Variants in TENM2 observed in about 807,000 individuals in gnomAD.
TENM2 encodes teneurin transmembrane protein 2.
Under a neutral mutation model 245.2 loss-of-function variants are expected in TENM2, and 52 were observed. The ratio of observed to expected loss-of-function variants is 0.21; its 90% CI spans 0.17 to 0.27. TENM2 has a LOEUF of 0.27. Among genes scored for constraint, TENM2 ranks in the 10% least tolerant of loss-of-function variants. The probability of loss-of-function intolerance (pLI) is 1.00; values close to 1 mark genes in which losing one functional copy is unlikely to be tolerated. For missense variants in TENM2, 3,046 were observed against 3,666.8 expected, an observed-to-expected ratio of 0.83 and a Z score of 4.37; for synonymous variants, 1,363 against 1,438.9, an observed-to-expected ratio of 0.95 and a Z score of 1.19.
chr5:167,456,284 A>T (rs1765917204), intron 2 of TENM2, among the ~76,000 whole-genome samples: 1 of 152,162 alleles, frequency 6.6e-6, no homozygotes, highest in Non-Finnish European at 1.5e-5. Context: ...AGGAGAACTT[A>T]ATATTTTACA....
intron 3 of TENM2, among the ~76,000 whole-genome samples, chr5:167,901,375 A>G (rs1775693582): frequency 6.6e-6 from 1 of 152,230 alleles, no homozygotes; most frequent in Non-Finnish European, 1.5e-5. Context: ...AGATCATTAC[A>G]TATTTTTACA....
chr5:167,938,327 G>A (rs969729093), intron 3 of TENM2, among the ~76,000 whole-genome samples: 1 of 152,186 alleles, frequency 6.6e-6, no homozygotes, highest in Non-Finnish European at 1.5e-5. Context: ...CTGGGGTGAG[G>A]AGAGGGGAAA....
At chr5:168,003,812 C>T (rs1784596112) in intron 5 of TENM2, among the ~76,000 whole-genome samples, 1 of 152,196 alleles carries the variant, frequency 6.6e-6, no homozygotes, top group African/African-American at 2.4e-5. Context: ...TTTATAGACA[C>T]AGCGGACTCT....
At chr5:168,123,939 T>C (rs1795661825) in intron 10 of TENM2, among the ~76,000 whole-genome samples, 1 of 152,246 alleles carries the variant, frequency 6.6e-6, no homozygotes, top group African/African-American at 2.4e-5. Context: ...CCAGGTTTGA[T>C]ATCATATTCT....
intron 1 of TENM2, among the ~76,000 whole-genome samples, chr5:167,317,911 T>G (rs1756468089): frequency 6.6e-6 from 1 of 152,160 alleles, no homozygotes; most frequent in Non-Finnish European, 1.5e-5. Flanking sequence ...TATGTGGTAC[T>G]CTAGCATGCC....
the TENM2 span, among the ~76,000 whole-genome samples, chr5:167,125,109 T>C: frequency 6.6e-6 from 1 of 152,150 alleles, no homozygotes; most frequent in Non-Finnish European, 1.5e-5. Context: ...TCCAGCAAAC[T>C]GTGTTTAAAC....
chr5:167,726,671 C>A (rs1760029804), intron 2 of TENM2, among the ~76,000 whole-genome samples: 1 of 152,124 alleles, frequency 6.6e-6, no homozygotes, highest in Non-Finnish European at 1.5e-5. Flanking sequence ...GTTAACCAGG[C>A]TGATATTGAA....
At chr5:167,689,290 G>T (rs968024200) in intron 2 of TENM2, among the ~76,000 whole-genome samples, 1 of 152,172 alleles carries the variant, frequency 6.6e-6, no homozygotes, top group Non-Finnish European at 1.5e-5. Context: ...CAGCCAGGAC[G>T]CTGGGGGGTC....
chr5:167,236,338 T>A, the TENM2 span, among the ~76,000 whole-genome samples: 1 of 152,178 alleles, frequency 6.6e-6, no homozygotes, highest in Non-Finnish European at 1.5e-5. Flanking sequence ...ATGGAAGGTA[T>A]TTCTTCTTTG....
At chr5:167,081,805 G>C in the TENM2 span, among the ~76,000 whole-genome samples, 1 of 152,286 alleles carries the variant, frequency 6.6e-6, no homozygotes, top group African/African-American at 2.4e-5. Context: ...GCTAGTGAAT[G>C]GCAGCAGAAA....
At chr5:167,074,351 G>A in the TENM2 span, among the ~76,000 whole-genome samples, 7 of 152,076 alleles carry the variant, frequency 4.6e-5, no homozygotes, top group African/African-American at 1.7e-4. Context: ...AGACATTAGT[G>A]AAGACTATGT....
chr5:167,248,631 T>G, the TENM2 span, among the ~76,000 whole-genome samples: 1 of 152,100 alleles, frequency 6.6e-6, no homozygotes, highest in African/African-American at 2.4e-5. Flanking sequence ...TGATGCTGTG[T>G]GTGTGTGTTG....
chr5:167,521,014 A>G (rs1010314999), intron 2 of TENM2, among the ~76,000 whole-genome samples: 4 of 151,346 alleles, frequency 2.6e-5, no homozygotes, highest in Admixed American at 6.6e-5. Context: ...TAATTAGCCA[A>G]AACTTGATGA....
the TENM2 span, among the ~76,000 whole-genome samples, chr5:167,082,843 TAA>T: frequency 6.6e-6 from 1 of 152,164 alleles, no homozygotes; most frequent in Non-Finnish European, 1.5e-5. Context: ...TTAAAATGTT[TAA>T]GTCTTTTATA....
chr5:167,456,594 G>A (rs998280233), intron 2 of TENM2, among the ~76,000 whole-genome samples: 1 of 152,242 alleles, frequency 6.6e-6, no homozygotes, highest in East Asian at 1.9e-4. Context: ...AGGTAACTGT[G>A]CTTCAAAGAA....
chr5:167,167,866 C>A, the TENM2 span, among the ~76,000 whole-genome samples: 2 of 152,080 alleles, frequency 1.3e-5, no homozygotes, highest in African/African-American at 4.8e-5. Context: ...TTAGAAGAAG[C>A]AGGAGACTTA....
the TENM2 span, among the ~76,000 whole-genome samples, chr5:167,090,336 A>G: frequency 6.6e-6 from 1 of 150,552 alleles, no homozygotes; most frequent in African/African-American, 2.5e-5. Context: ...ATCTGTCTCT[A>G]TTCTCTTAGT....
At chr5:167,318,488 G>C (rs1450125427) in intron 1 of TENM2, among the ~76,000 whole-genome samples, 7 of 151,366 alleles carry the variant, frequency 4.6e-5, no homozygotes, top group Admixed American at 4.6e-4. Context: ...AACGAGATAA[G>C]TGCACATTAT....
chr5:168,168,114 A>G (rs1758468537), intron 13 of TENM2, among the ~76,000 whole-genome samples: 1 of 152,148 alleles, frequency 6.6e-6, no homozygotes, highest in South Asian at 2.1e-4. Flanking sequence ...CAGATTTCTA[A>G]GCCCCCACCT....
Sources: gnomAD v4.1 joint callset for allele counts (sites outside exome capture counted in the v4.1 genomes callset) on GRCh38, gnomAD v4.1.1 for gene constraint, MANE v1.5 for transcripts, NCBI Gene and HGNC (gene_info 2026-07-23, HGNC 2026-07-21) for gene names.